Variants in PAPPA2 observed in about 807,000 individuals in gnomAD.
The protein encoded by PAPPA2 is pappalysin-2.
In PAPPA2, 86 loss-of-function variants were observed where a neutral mutation model predicts 176.4. The observed-to-expected ratio is 0.49, with a 90% CI of 0.41 to 0.58. PAPPA2 has a LOEUF of 0.58. PAPPA2 is among the 20% of genes least tolerant of loss of function. PAPPA2 has a pLI of 0.00. For synonymous variants in PAPPA2, 809 were observed against 852.2 expected (o/e 0.95, Z 0.88); for missense variants, 2,073 against 2,256.9 (o/e 0.92, Z 1.65).
At chr1:176,818,430 A>G (rs965844036) in intron 21 of PAPPA2, among the ~76,000 whole-genome samples, 5 of 152,178 alleles carry the variant, frequency 3.3e-5, no homozygotes, top group Non-Finnish European at 7.4e-5. Flanking sequence ...CTCTGTGTGG[A>G]CTTTCCCATT....
In PAPPA2 at chr1:176,692,136, C is replaced by T; in HGVS notation, c.2442C>T (p.Cys814=). 6.2e-7 allele frequency: 1 copy of T among 1,613,004 alleles called. No homozygotes were observed. The highest frequency in any genetic ancestry group is 8.5e-7 in the Non-Finnish European group (1 of 1,179,328). ...TTTTTGTCTCCACAGATGATAACTG[C>T]ACTGACAACTTCACTCCTAACCAAG... ...TNYMSYTDDN[C]TDNFTPNQVA... Residue 814 remains cysteine, a synonymous_variant, in exon 6 of 23, where the codon TGC becomes TGT. Transcript: ENST00000367662.
intron 1 of PAPPA2, among the ~76,000 whole-genome samples, chr1:176,491,684 A>G (rs1647299736): frequency 6.6e-6 from 1 of 152,254 alleles, no homozygotes. Flanking sequence ...AGACATCAAA[A>G]GAGAACAGTA....
intron 2 of PAPPA2, among the ~76,000 whole-genome samples, chr1:176,591,480 C>T (rs1653661684): frequency 6.8e-6 from 1 of 147,320 alleles, no homozygotes; most frequent in African/African-American, 2.4e-5. Flanking sequence ...GCTCCCAGAG[C>T]TATTTATGCT....
intron 17 of PAPPA2, among the ~76,000 whole-genome samples, chr1:176,773,346 T>A (rs770591031): frequency 1.1e-4 from 16 of 152,300 alleles, no homozygotes; most frequent in Middle Eastern, 3.4e-3. Context: ...GTCAGCCTGG[T>A]TCCTTGTATG....
At chr1:176,825,112 G>A (rs897185795) in intron 21 of PAPPA2, among the ~76,000 whole-genome samples, 2 of 152,182 alleles carry the variant, frequency 1.3e-5, no homozygotes, top group Non-Finnish European at 2.9e-5. Context: ...CTTACTTCCT[G>A]CCTTTCCTCC....
At chr1:176,757,073 T>TATA (rs1393704463) in intron 14 of PAPPA2, among the ~76,000 whole-genome samples, 1 of 152,224 alleles carries the variant, frequency 6.6e-6, no homozygotes, top group Non-Finnish European at 1.5e-5. Flanking sequence ...TTCCATGGTG[T>TATA]ATATGTGCCA....
At position 176,552,588 on chromosome 1, in the gene PAPPA2, G is replaced by A. The variant is rs137989220; in HGVS notation, c.-916-2819G>A. On this transcript the variant is annotated intron_variant, in intron 1 of 22. Coordinates refer to ENST00000367662, the MANE Select transcript of PAPPA2 (RefSeq NM_020318.3). ...AGATTTACCTGCAGAACAAGACACCGCTCCTCTTGCAAAAAACTGTTTAAG... is the reference window on the plus strand; with the variant it reads ...AGATTTACCTGCAGAACAAGACACCACTCCTCTTGCAAAAAACTGTTTAAG... 5.3e-5 allele frequency among the ~76,000 whole-genome samples: 8 copies of A among 151,990 alleles called. No homozygotes were observed. In the South Asian group the frequency reaches 1.0e-3, roughly 20 times the overall value.
chr1:176,819,046 C>T (rs1416326535), intron 21 of PAPPA2, among the ~76,000 whole-genome samples: 1 of 152,134 alleles, frequency 6.6e-6, no homozygotes, highest in Non-Finnish European at 1.5e-5. Flanking sequence ...TTAAGTTTTG[C>T]AGATTGTATT....
At chr1:176,531,396 AATGCTTATAC>A (rs1300729986) in intron 1 of PAPPA2, among the ~76,000 whole-genome samples, 2 of 152,188 alleles carry the variant, frequency 1.3e-5, no homozygotes, top group Non-Finnish European at 2.9e-5. Flanking sequence ...GGGTGTATAG[AATGCTTATAC>A]CATGACATAA....
At chr1:176,666,489 G>A (rs1415151951) in intron 3 of PAPPA2, among the ~76,000 whole-genome samples, 1 of 151,774 alleles carries the variant, frequency 6.6e-6, no homozygotes, top group Non-Finnish European at 1.5e-5. Context: ...GTGTTAGCTA[G>A]GATTTTCTCA....
At chr1:176,467,093 C>T (rs1024044146) in intron 1 of PAPPA2, among the ~76,000 whole-genome samples, 20 of 152,118 alleles carry the variant, frequency 1.3e-4, no homozygotes, top group Admixed American at 1.1e-3. Context: ...GTATAGTCTA[C>T]TATATACCTA....
At chr1:176,646,960 A>C (rs1439878299) in intron 3 of PAPPA2, among the ~76,000 whole-genome samples, 1 of 151,516 alleles carries the variant, frequency 6.6e-6, no homozygotes, top group African/African-American at 2.4e-5. Flanking sequence ...TGATAGCTCT[A>C]TTATTAGTTT....
At chr1:176,581,976 T>C (rs1187143906) in intron 2 of PAPPA2, among the ~76,000 whole-genome samples, 4 of 143,080 alleles carry the variant, frequency 2.8e-5, no homozygotes, top group East Asian at 2.0e-4. Context: ...CAGGCTGGAG[T>C]GCAGTGGCAC....
chr1:176,594,693 A>G lies in PAPPA2; in HGVS notation c.1089A>G (p.Thr363=), dbSNP rs1472826428. ...LISHSRYQPG[T]WTHVAATYDG... Reference sequence around the variant, plus strand: ...GCCACAGTCGCTACCAACCAGGCACATGGACCCATGTGGCAGCCACTTACG... The same window carrying G: ...GCCACAGTCGCTACCAACCAGGCACGTGGACCCATGTGGCAGCCACTTACG... Residue 363 remains threonine, a synonymous_variant, in exon 3 of 23, where the codon ACA becomes ACG. Transcript: ENST00000367662. 6.2e-7 allele frequency: 1 copy of G among 1,614,242 alleles called. No individual in the cohort carries two copies. Among genetic ancestry groups the G allele is most frequent in the Non-Finnish European group, 8.5e-7 (1 of 1,180,050 alleles).
chr1:176,802,591 C>T (rs1012066676), intron 21 of PAPPA2, among the ~76,000 whole-genome samples: 1 of 152,102 alleles, frequency 6.6e-6, no homozygotes, highest in African/African-American at 2.4e-5. Flanking sequence ...AATCTGAGCT[C>T]AAATAAGGTA....
chr1:176,521,651 C>T (rs574693436), intron 1 of PAPPA2, among the ~76,000 whole-genome samples: 23 of 152,242 alleles, frequency 1.5e-4, no homozygotes, highest in African/African-American at 2.6e-4. Context: ...GTTTAACTGA[C>T]GTGCAGCTTT....
At chr1:176,788,137 C>A (rs1487354286) in intron 17 of PAPPA2, among the ~76,000 whole-genome samples, 1 of 152,144 alleles carries the variant, frequency 6.6e-6, no homozygotes, top group Non-Finnish European at 1.5e-5. Context: ...ATCGAATGTG[C>A]CTTGCAATGT....
At chr1:176,828,436 T>G (rs1397277692) in intron 21 of PAPPA2, among the ~76,000 whole-genome samples, 1 of 151,886 alleles carries the variant, frequency 6.6e-6, no homozygotes, top group African/African-American at 2.4e-5. Context: ...TTTGTGTGCA[T>G]CTATACGTGC....
chr1:176,756,777 G>A (rs1323753516), intron 14 of PAPPA2, among the ~76,000 whole-genome samples: 1 of 152,006 alleles, frequency 6.6e-6, no homozygotes, highest in Non-Finnish European at 1.5e-5. Flanking sequence ...TTGTTACATA[G>A]GTATACATGT....
Sources: gnomAD v4.1 joint callset for allele counts (sites outside exome capture counted in the v4.1 genomes callset) on GRCh38, gnomAD v4.1.1 for gene constraint, MANE v1.5 for transcripts, NCBI Gene and HGNC (gene_info 2026-07-23, HGNC 2026-07-21) for gene names.